BAIAP2L1: variants seen among roughly 807,000 people sequenced by gnomAD.
The protein encoded by BAIAP2L1 is BAR/IMD domain-containing adapter protein 2-like 1.
A neutral mutation model predicts 66.3 loss-of-function variants in BAIAP2L1; 35 were observed. The ratio of observed to expected loss-of-function variants is 0.53; its 90% CI spans 0.40 to 0.70. The LOEUF (loss-of-function observed/expected upper bound fraction) is 0.70, where lower values mean the gene tolerates loss of function less well. Among genes scored for constraint, BAIAP2L1 ranks in the 30% least tolerant of loss-of-function variants. The pLI is 0.00. For missense variants in BAIAP2L1, 622 were observed against 656.9 expected (o/e 0.95, Z 0.58); for synonymous variants, 269 against 248.7 (o/e 1.08, Z -0.77).
intron 1 of BAIAP2L1, among the ~76,000 whole-genome samples, chr7:98,377,087 A>G: frequency 6.6e-6 from 1 of 152,198 alleles, no homozygotes; most frequent in East Asian, 1.9e-4. Flanking sequence ...AGGCTGCCCT[A>G]CAGATCTTGG....
At chr7:98,357,495 A>T (rs1208757912) in intron 2 of BAIAP2L1, among the ~76,000 whole-genome samples, 1 of 148,358 alleles carries the variant, frequency 6.7e-6, no homozygotes, top group Non-Finnish European at 1.5e-5. Flanking sequence ...TGAACTCGGG[A>T]GGCAGAGGTT....
chr7:98,367,858 A>C (rs1802422888), intron 1 of BAIAP2L1, among the ~76,000 whole-genome samples: 1 of 151,952 alleles, frequency 6.6e-6, no homozygotes, highest in African/African-American at 2.4e-5. Context: ...TCCCGACCTC[A>C]GATGGTCCAC....
chr7:98,367,643 C>G (rs1352173924), intron 1 of BAIAP2L1, among the ~76,000 whole-genome samples: 1 of 149,956 alleles, frequency 6.7e-6, no homozygotes, highest in Non-Finnish European at 1.5e-5. Flanking sequence ...TCACGTCATT[C>G]TCCTGCCTCA....
chr7:98,358,940 A>G (rs1217314453), intron 2 of BAIAP2L1, among the ~76,000 whole-genome samples: 10 of 152,126 alleles, frequency 6.6e-5, no homozygotes, highest in Non-Finnish European at 1.0e-4. Context: ...ACGGGTTATC[A>G]GCAAGCATGA....
chr7:98,387,018 G>C (rs908924900), intron 1 of BAIAP2L1, among the ~76,000 whole-genome samples: 5 of 152,036 alleles, frequency 3.3e-5, no homozygotes, highest in Admixed American at 6.6e-5. Context: ...CTTCCTTAAA[G>C]ACTGTACATC....
Position 98,316,140 on chromosome 7 carries a change from A to G in BAIAP2L1, c.487-528T>C, listed in dbSNP as rs11978094. Among the ~76,000 whole-genome samples the G allele has an allele frequency of 8.6e-3, 1,312 of 152,194 alleles. 19 individuals are homozygous for G. Among genetic ancestry groups the G allele is most frequent in the African/African-American group, 0.03 (1,249 of 41,504 alleles). On this transcript the variant is annotated intron_variant, in intron 6 of 13. Transcript: ENST00000005260. ...GTCTCACAAGATCTGATGGCTTCAT[A>G]AAGGGAGTTTCCCTGCACAAGCTCT... is the stretch of plus-strand genomic sequence containing the variant.
chr7:98,348,866 G>A (rs1414729549), intron 3 of BAIAP2L1, among the ~76,000 whole-genome samples: 1 of 152,212 alleles, frequency 6.6e-6, no homozygotes, highest in Non-Finnish European at 1.5e-5. Flanking sequence ...TTAACAGCAG[G>A]AATGTGGCAA....
At chr7:98,376,810 C>A (rs749854075) in intron 1 of BAIAP2L1, among the ~76,000 whole-genome samples, 3 of 152,058 alleles carry the variant, frequency 2.0e-5, no homozygotes, top group African/African-American at 4.8e-5. Flanking sequence ...CCAGCCTAGG[C>A]AACAAGAACA....
chr7:98,395,371 G>A (rs1044189175), intron 1 of BAIAP2L1, among the ~76,000 whole-genome samples: 2 of 151,696 alleles, frequency 1.3e-5, no homozygotes, highest in Admixed American at 6.6e-5. Context: ...CCTGGGAGGT[G>A]GAGGTTGCAG....
chr7:98,296,806 A>G (rs1371504359), intron 12 of BAIAP2L1, among the ~76,000 whole-genome samples: 2 of 152,168 alleles, frequency 1.3e-5, no homozygotes, highest in Admixed American at 6.5e-5. Context: ...TGCAAAGGAG[A>G]CCCACGAGGG....
intron 3 of BAIAP2L1, among the ~76,000 whole-genome samples, chr7:98,332,503 T>C (rs910058843): frequency 6.8e-6 from 1 of 147,750 alleles, no homozygotes; most frequent in Non-Finnish European, 1.5e-5. Context: ...AGATGTCTCC[T>C]CTAAAAAGTA....
intron 1 of BAIAP2L1, among the ~76,000 whole-genome samples, chr7:98,384,634 A>T (rs1440608415): frequency 6.6e-6 from 1 of 150,496 alleles, no homozygotes; most frequent in Non-Finnish European, 1.5e-5. Context: ...TTATAGTAGT[A>T]TCTGGAATCA....
chr7:98,292,524 G>A lies in BAIAP2L1; in HGVS notation c.*997C>T, dbSNP rs1800010381. On this transcript the variant is annotated 3_prime_UTR_variant, in exon 14 of 14. Coordinates refer to ENST00000005260, the MANE Select transcript of BAIAP2L1 (RefSeq NM_018842.5). Reference sequence around the variant, plus strand: ...TAGGTCCAGATCCTTGGCAGCCAAAGATGATTTCCAGCCCCGGGCTCAGGG... The same window carrying A: ...TAGGTCCAGATCCTTGGCAGCCAAAAATGATTTCCAGCCCCGGGCTCAGGG... 9.8e-7 allele frequency: 1 copy of A among 1,025,490 alleles called. No individual in the cohort carries two copies. Among genetic ancestry groups the A allele is most frequent in the Non-Finnish European group, 1.5e-6 (1 of 682,802 alleles). The allele number at this position is 1,025,490 out of a possible 1,614,324, so 63.5% of individuals were successfully genotyped here. A position where few individuals can be genotyped will look rare whatever the true frequency, so the allele number is the denominator to read the frequency against.
intron 3 of BAIAP2L1, among the ~76,000 whole-genome samples, chr7:98,321,703 C>T (rs1801251580): frequency 6.6e-6 from 1 of 152,156 alleles, no homozygotes; most frequent in Non-Finnish European, 1.5e-5. Context: ...TGGAGAAACA[C>T]ATAGACTCAT....
chr7:98,400,878 G>A lies in BAIAP2L1; in HGVS notation c.-26C>T, dbSNP rs984795168. 4.6e-6 allele frequency: 7 copies of A among 1,533,786 alleles called. No homozygotes were observed. The South Asian group carries it at 4.8e-5, about 11-fold the overall frequency. ...GGCTGCGGCCGCCGGGCGAGCAAGCGCGGGAGGACGCGGCTGGGCCTCGTG... is the reference window on the plus strand; with the variant it reads ...GGCTGCGGCCGCCGGGCGAGCAAGCACGGGAGGACGCGGCTGGGCCTCGTG... On this transcript the variant is annotated 5_prime_UTR_variant, in exon 1 of 14. Transcript: ENST00000005260.
Position 98,293,415 on chromosome 7 carries a change from G to C in BAIAP2L1, c.*106C>G. ...CTTAAGCAGGCGACATTAGAGTTAG[G>C]CCTCTCCACTGAAGCTTCCCGACCG... On this transcript the variant is annotated 3_prime_UTR_variant, in exon 14 of 14. Coordinates refer to ENST00000005260, the MANE Select transcript of BAIAP2L1 (RefSeq NM_018842.5). 1 of 1,021,436 alleles carries C rather than the reference G, an allele frequency of 9.8e-7. No homozygotes were observed. Among genetic ancestry groups the C allele is most frequent in the South Asian group, 1.4e-5 (1 of 73,636 alleles). The allele number at this position is 1,021,436 out of a possible 1,614,324, so 63.3% of individuals were successfully genotyped here.
intron 1 of BAIAP2L1, among the ~76,000 whole-genome samples, chr7:98,364,029 T>TTA (rs1554338107): frequency 1.3e-5 from 2 of 151,892 alleles, no homozygotes; most frequent in Non-Finnish European, 2.9e-5. Context: ...TTTTTTTTTT[T>TTA]AAATATTCTT....
chr7:98,333,660 A>T (rs956113888), intron 3 of BAIAP2L1, among the ~76,000 whole-genome samples: 2 of 152,166 alleles, frequency 1.3e-5, no homozygotes, highest in African/African-American at 4.8e-5. Context: ...TATCAAAGAA[A>T]AACTACTGCA....
At chr7:98,367,876 G>A (rs1175402589) in intron 1 of BAIAP2L1, among the ~76,000 whole-genome samples, 6 of 151,702 alleles carry the variant, frequency 4.0e-5, no homozygotes, top group Non-Finnish European at 7.4e-5. Flanking sequence ...CACCTGCCTC[G>A]GCCTCCCAAA....
Sources: gnomAD v4.1 joint callset for allele counts (sites outside exome capture counted in the v4.1 genomes callset) on GRCh38, gnomAD v4.1.1 for gene constraint, MANE v1.5 for transcripts, NCBI Gene and HGNC (gene_info 2026-07-23, HGNC 2026-07-21) for gene names.